The following MEGF11 variants were observed in gnomAD, a reference collection of about 807,000 sequenced individuals.
MEGF11 encodes the protein multiple EGF like domains 11.
In MEGF11, 126 loss-of-function variants were observed where a neutral mutation model predicts 146.6. The observed-to-expected ratio is 0.86, with a 90% confidence interval of 0.74 to 1.00. The LOEUF is 1.00. Ranked by LOEUF, MEGF11 falls within the 50% of genes least tolerant of loss-of-function variation. The pLI is 0.00. For synonymous variants in MEGF11, 532 were observed against 583.4 expected (o/e 0.91, Z 1.27); for missense variants, 1,509 against 1,521.2 (o/e 0.99, Z 0.13).
intron 5 of MEGF11, among the ~76,000 whole-genome samples, chr15:65,998,238 A>G (rs1024931853): frequency 6.6e-6 from 1 of 152,220 alleles, no homozygotes; most frequent in African/African-American, 2.4e-5. Flanking sequence ...TCTGCAGCTC[A>G]TCATCATCCC....
At chr15:66,119,010 A>AC in intron 4 of MEGF11, 76 bp downstream of exon 4, 4 of 782,730 alleles carry the variant, frequency 5.1e-6, no homozygotes, top group Non-Finnish European at 6.3e-6. Flanking sequence ...TATCAGCCCC[A>AC]CCTCCCCTCC....
intron 20 of MEGF11, among the ~76,000 whole-genome samples, chr15:65,912,891 A>G (rs1434004321): frequency 1.3e-5 from 2 of 152,180 alleles, no homozygotes; most frequent in East Asian, 3.9e-4. Context: ...TCTAAGCACA[A>G]GATGCAGGAG....
intron 5 of MEGF11, among the ~76,000 whole-genome samples, chr15:66,027,238 G>T (rs2083364174): frequency 1.3e-5 from 2 of 152,200 alleles, no homozygotes; most frequent in African/African-American, 4.8e-5. Flanking sequence ...GAAGACACAG[G>T]TTCAAATCCC....
At chr15:66,103,864 C>A (rs1251227052) in intron 4 of MEGF11, among the ~76,000 whole-genome samples, 2 of 152,174 alleles carry the variant, frequency 1.3e-5, no homozygotes, top group African/African-American at 4.8e-5. Context: ...AGCACAGACC[C>A]CCAGCCAGAC....
At chr15:65,959,568 C>T (rs2080785755) in intron 9 of MEGF11, among the ~76,000 whole-genome samples, 1 of 152,160 alleles carries the variant, frequency 6.6e-6, no homozygotes, top group African/African-American at 2.4e-5. Flanking sequence ...TACTTTAATA[C>T]TTTTATTCAG....
chr15:66,036,097 G>A (rs1393736828), intron 5 of MEGF11, among the ~76,000 whole-genome samples: 2 of 152,252 alleles, frequency 1.3e-5, no homozygotes, highest in East Asian at 3.9e-4. Context: ...AGCCAGAGGG[G>A]CCAGGAGCTG....
intron 19 of MEGF11, 120 bp from the exon 20 acceptor site, chr15:65,914,093 C>T: frequency 2.6e-6 from 2 of 757,984 alleles, no homozygotes; most frequent in Non-Finnish European, 4.3e-6. Flanking sequence ...TGGCTTTGGC[C>T]CGATTCCTGA....
At position 65,909,778 on chromosome 15, in the gene MEGF11, G is replaced by A; in HGVS notation, c.2858C>T (p.Thr953Ile). 2 of 1,585,210 alleles carry A rather than the reference G, an allele frequency of 1.3e-6. No individual in the cohort carries two copies. Among genetic ancestry groups the A allele is most frequent in the Non-Finnish European group, 1.7e-6 (2 of 1,173,386 alleles). ...KLSNKSLDRD[T>I]AGWTPYSYVN... ...ATAGCTGTAGGGGGTCCAGCCTGCTGTGTCTCTGTCAAGGGACTTGTTACT... is the reference window on the plus strand; with the variant it reads ...ATAGCTGTAGGGGGTCCAGCCTGCTATGTCTCTGTCAAGGGACTTGTTACT... Residue 953 changes from threonine (T) to isoleucine (I), a missense_variant, in exon 22 of 26, where the codon ACA (threonine) becomes ATA (isoleucine). Coordinates refer to ENST00000395614, the MANE Select transcript of MEGF11 (RefSeq NM_001385028.1).
intron 5 of MEGF11, among the ~76,000 whole-genome samples, chr15:66,085,078 G>A (rs1163817156): frequency 6.6e-6 from 1 of 152,094 alleles, no homozygotes; most frequent in Non-Finnish European, 1.5e-5. Flanking sequence ...CTGACAACCT[G>A]CACGACTCAG....
chr15:66,070,567 G>T (rs1178219660), intron 5 of MEGF11, among the ~76,000 whole-genome samples: 2 of 152,228 alleles, frequency 1.3e-5, no homozygotes, highest in Admixed American at 6.5e-5. Flanking sequence ...TGGCTCTGGT[G>T]GTGGTGGGGG....
intron 1 of MEGF11, among the ~76,000 whole-genome samples, chr15:66,249,546 T>C (rs1205542021): frequency 6.6e-6 from 1 of 152,194 alleles, no homozygotes. Context: ...GAAGATAAAA[T>C]ATTCTTTTAA....
intron 1 of MEGF11, among the ~76,000 whole-genome samples, chr15:66,197,383 T>C (rs1006716413): frequency 3.3e-5 from 5 of 152,124 alleles, no homozygotes; most frequent in Non-Finnish European, 5.9e-5. Context: ...TTCCCTGCCT[T>C]TGGGGCCACT....
chr15:66,031,417 C>T (rs905204105), intron 5 of MEGF11, among the ~76,000 whole-genome samples: 3 of 152,130 alleles, frequency 2.0e-5, no homozygotes, highest in African/African-American at 7.2e-5. Context: ...GTCTTCCTGG[C>T]AAATGTCACT....
chr15:65,955,796 A>ATATATATATATG (rs1567175157), intron 10 of MEGF11, among the ~76,000 whole-genome samples: 1 of 57,346 alleles, frequency 1.7e-5, no homozygotes, highest in East Asian at 4.1e-4. Context: ...ATATATATAC[A>ATATATATATATG]CACACACACA....
chr15:65,905,110 C>G (rs540341464), intron 24 of MEGF11, among the ~76,000 whole-genome samples: 1 of 152,318 alleles, frequency 6.6e-6, no homozygotes, highest in South Asian at 2.1e-4. Flanking sequence ...CCAGGCTGGT[C>G]TTGAACTCCT....
intron 5 of MEGF11, among the ~76,000 whole-genome samples, chr15:66,082,947 T>G (rs1413040255): frequency 6.6e-6 from 1 of 152,138 alleles, no homozygotes; most frequent in African/African-American, 2.4e-5. Flanking sequence ...TTGGGACCCC[T>G]CACCTGTCCC....
At chr15:65,986,134 G>C (rs1182314748) in intron 5 of MEGF11, among the ~76,000 whole-genome samples, 1 of 151,878 alleles carries the variant, frequency 6.6e-6, no homozygotes, top group African/African-American at 2.4e-5. Flanking sequence ...CGTACTTTTA[G>C]TAGAGACAGG....
chr15:65,911,902 A>G (rs1381896882), intron 21 of MEGF11, among the ~76,000 whole-genome samples, 180 bp downstream of exon 21: 1 of 152,238 alleles, frequency 6.6e-6, no homozygotes, highest in Non-Finnish European at 1.5e-5. Context: ...TGCTGGCTCC[A>G]TTACATGCCT....
intron 5 of MEGF11, among the ~76,000 whole-genome samples, chr15:66,049,408 C>T (rs1712719195): frequency 6.6e-6 from 1 of 152,162 alleles, no homozygotes; most frequent in African/African-American, 2.4e-5. Flanking sequence ...TAGCAATTAG[C>T]TTCCTAAAAC....
Sources: gnomAD v4.1 joint callset for allele counts (sites outside exome capture counted in the v4.1 genomes callset) on GRCh38, gnomAD v4.1.1 for gene constraint, MANE v1.5 for transcripts, NCBI Gene and HGNC (gene_info 2026-07-23, HGNC 2026-07-21) for gene names.